Variants in KIAA1549L observed in about 807,000 individuals in gnomAD.
KIAA1549L encodes the protein UPF0606 protein KIAA1549L.
KIAA1549L carries 88 observed loss-of-function variants against 160.7 expected under a neutral mutation model. The ratio of observed to expected loss-of-function variants is 0.55; its 90% confidence interval spans 0.46 to 0.65. The LOEUF (loss-of-function observed/expected upper bound fraction) is 0.65, where lower values mean the gene tolerates loss of function less well. Among genes scored for constraint, KIAA1549L ranks in the 30% least tolerant of loss-of-function variants. The pLI, the probability that KIAA1549L is intolerant of heterozygous loss-of-function variation, is 0.00. For missense variants in KIAA1549L, 2,258 were observed against 2,437.5 expected, an observed-to-expected ratio of 0.93 and a Z score of 1.55; for synonymous variants, 950 against 976.7, an observed-to-expected ratio of 0.97 and a Z score of 0.51.
intron 1 of KIAA1549L, among the ~76,000 whole-genome samples, chr11:33,474,333 T>G (rs1378095836): frequency 6.6e-6 from 1 of 152,246 alleles, no homozygotes; most frequent in African/African-American, 2.4e-5. Flanking sequence ...ATTCCAGAGC[T>G]CATATCTTTC....
In KIAA1549L at chr11:33,562,651, T is replaced by C. The variant is rs563974731; in HGVS notation, c.4078+916T>C. Among the ~76,000 whole-genome samples, 9 of 151,806 alleles carry C rather than the reference T, an allele frequency of 5.9e-5. No individual in the cohort carries two copies. In the East Asian group the frequency reaches 1.8e-3, roughly 30 times the overall value. On this transcript the variant is annotated intron_variant, in intron 8 of 20. Transcript: ENST00000658780. The stretch of plus-strand genomic sequence containing the variant: ...ATCATATTGAATTAGGGCTCCCCAG[T>C]ATGACCTCATTTTAACTTCATTTCC...
chr11:33,394,776 C>A (rs539458745), intron 1 of KIAA1549L, among the ~76,000 whole-genome samples: 5 of 152,232 alleles, frequency 3.3e-5, no homozygotes, highest in African/African-American at 1.2e-4. Flanking sequence ...AGAGAGCTCT[C>A]TTTAAAGCAG....
At chr11:33,527,825 A>G (rs1461581118) in intron 1 of KIAA1549L, among the ~76,000 whole-genome samples, 2 of 152,236 alleles carry the variant, frequency 1.3e-5, no homozygotes, top group Non-Finnish European at 2.9e-5. Flanking sequence ...AAGATGGTAC[A>G]TATTACAAAT....
rs138583496 is a variant in KIAA1549L at position 33,526,273 on chromosome 11, C to T, written c.239-15529C>T. 1.2e-3 allele frequency among the ~76,000 whole-genome samples: 189 copies of T among 152,316 alleles called. 3 individuals carry two copies. Among genetic ancestry groups the T allele is most frequent in the African/African-American group, 4.4e-3 (182 of 41,566 alleles). ...AACCCTGCTCCAAAGAAGGAGAAAACAACAGCTAATTCTACCGCCTGCAAC... is the reference window on the plus strand; with the variant it reads ...AACCCTGCTCCAAAGAAGGAGAAAATAACAGCTAATTCTACCGCCTGCAAC... On this transcript the variant is annotated intron_variant, in intron 1 of 20. Transcript: ENST00000658780.
chr11:33,585,933 T>C (rs1181413875), intron 11 of KIAA1549L, among the ~76,000 whole-genome samples: 1 of 152,198 alleles, frequency 6.6e-6, no homozygotes, highest in East Asian at 1.9e-4. Context: ...CTGGTTGTTT[T>C]CCCCCTCCAT....
intron 16 of KIAA1549L, among the ~76,000 whole-genome samples, chr11:33,630,043 A>G (rs1239276070): frequency 6.6e-6 from 1 of 151,972 alleles, no homozygotes; most frequent in Non-Finnish European, 1.5e-5. Context: ...GGAGTACTGG[A>G]CCGTGTGAGG....
In KIAA1549L at chr11:33,552,257, C is replaced by T. The variant is rs1228771326; in HGVS notation, c.3855+16C>T. On this transcript the variant is annotated intron_variant, in intron 6 of 20. Coordinates refer to ENST00000658780, the MANE Select transcript of KIAA1549L (RefSeq NM_012194.3). The stretch of plus-strand genomic sequence containing the variant: ...GACAATTCAGGTAGGGAGGAAGGTG[C>T]TTCAGGCTGTGTAGTTGACAGACAA... 2.5e-6 allele frequency: 4 copies of T among 1,592,038 alleles called. No individual in the cohort carries two copies. In the East Asian group the frequency reaches 9.1e-5, roughly 36 times the overall value.
At chr11:33,635,449 G>C (rs1231409764) in intron 16 of KIAA1549L, among the ~76,000 whole-genome samples, 1 of 152,186 alleles carries the variant, frequency 6.6e-6, no homozygotes, top group African/African-American at 2.4e-5. Context: ...GATTGACACT[G>C]AGCTGAAAAT....
At chr11:33,638,453 TAAATA>T (rs1415549164) in intron 16 of KIAA1549L, among the ~76,000 whole-genome samples, 2 of 19,526 alleles carry the variant, frequency 1.0e-4, no homozygotes, top group Non-Finnish European at 1.7e-4. Flanking sequence ...AATAAATAAA[TAAATA>T]AAATACTCAT....
intron 1 of KIAA1549L, among the ~76,000 whole-genome samples, chr11:33,491,928 G>T (rs955659213): frequency 6.6e-6 from 1 of 152,218 alleles, no homozygotes; most frequent in African/African-American, 2.4e-5. Context: ...TGTAGAGGGC[G>T]AGGTCTAGGG....
chr11:33,432,455 A>C (rs1007355626), intron 1 of KIAA1549L, among the ~76,000 whole-genome samples: 2 of 152,074 alleles, frequency 1.3e-5, no homozygotes, highest in African/African-American at 4.8e-5. Context: ...TTTTCTTGTA[A>C]ATTTGTTTAA....
At position 33,663,852 on chromosome 11, in the gene KIAA1549L, G is replaced by A. The variant is rs149971329; in HGVS notation, c.6159+2838G>A. ...CCTGAGACAGGCAATGGCATCAGGA[G>A]CAATAACTGTTACGCTGGAGAAAGT... On this transcript the variant is annotated intron_variant, in intron 20 of 20. Coordinates refer to ENST00000658780, the MANE Select transcript of KIAA1549L (RefSeq NM_012194.3). Among the ~76,000 whole-genome samples the A allele has an allele frequency of 5.3e-3, 805 of 152,316 alleles. 1 individual carries two copies. Among genetic ancestry groups the A allele is most frequent in the Non-Finnish European group, 8.3e-3 (565 of 68,014 alleles).
At chr11:33,525,581 C>A (rs1306684459) in intron 1 of KIAA1549L, among the ~76,000 whole-genome samples, 2 of 141,632 alleles carry the variant, frequency 1.4e-5, no homozygotes, top group Admixed American at 1.5e-4. Context: ...TGAGTAGAAT[C>A]TGGTCGGGGT....
At chr11:33,463,815 C>T (rs1851989280) in intron 1 of KIAA1549L, among the ~76,000 whole-genome samples, 1 of 152,178 alleles carries the variant, frequency 6.6e-6, no homozygotes, top group South Asian at 2.1e-4. Context: ...GAGGATGAGC[C>T]AATTCTGCCC....
intron 9 of KIAA1549L, among the ~76,000 whole-genome samples, chr11:33,572,645 T>C (rs1056153013): frequency 6.6e-6 from 1 of 152,222 alleles, no homozygotes; most frequent in African/African-American, 2.4e-5. Flanking sequence ...GTTTATTCAA[T>C]TTTTTTGCTG....
chr11:33,651,923 C>CTCCA (rs1161285868), intron 17 of KIAA1549L, among the ~76,000 whole-genome samples: 2 of 108,990 alleles, frequency 1.8e-5, no homozygotes, highest in Admixed American at 9.0e-5. Flanking sequence ...CTCCCCCTCC[C>CTCCA]TCCCTCCCTT....
At chr11:33,655,963 C>A in intron 17 of KIAA1549L, 49 bp from the exon 18 acceptor site, 1 of 1,316,490 alleles carries the variant, frequency 7.6e-7, no homozygotes, top group Non-Finnish European at 1.1e-6. Context: ...GTGTGCTGAT[C>A]GACCCTGGGT....
At chr11:33,558,180 G>T (rs933436354) in intron 6 of KIAA1549L, among the ~76,000 whole-genome samples, 1 of 152,086 alleles carries the variant, frequency 6.6e-6, no homozygotes. Flanking sequence ...AACACCCAAA[G>T]GTCTGGGAAA....
At chr11:33,573,038 G>C (rs996526559) in intron 9 of KIAA1549L, among the ~76,000 whole-genome samples, 4 of 152,170 alleles carry the variant, frequency 2.6e-5, no homozygotes, top group African/African-American at 9.6e-5. Context: ...TCCCCATTGA[G>C]CATTTTTATG....
Sources: gnomAD v4.1 joint callset for allele counts (sites outside exome capture counted in the v4.1 genomes callset) on GRCh38, gnomAD v4.1.1 for gene constraint, MANE v1.5 for transcripts, NCBI Gene and HGNC (gene_info 2026-07-23, HGNC 2026-07-21) for gene names.